The following STK31 variants were observed in gnomAD, a reference collection of about 807,000 sequenced individuals.
STK31 encodes the protein serine/threonine-protein kinase 31.
Under a neutral mutation model 129.7 loss-of-function variants are expected in STK31, and 89 were observed. The observed-to-expected ratio is 0.69, with a 90% CI of 0.58 to 0.82. The LOEUF (loss-of-function observed/expected upper bound fraction) is 0.82. Ranked by LOEUF, STK31 falls within the 40% of genes least tolerant of loss-of-function variation. The pLI, the probability that STK31 is intolerant of heterozygous loss-of-function variation, is 0.00. For synonymous variants in STK31, 448 were observed against 395.3 expected (o/e 1.13, Z -1.58); for missense variants, 1,187 against 1,176.4 (o/e 1.01, Z -0.13).
intron 22 of STK31, among the ~76,000 whole-genome samples, chr7:23,801,164 A>G (rs1792343838): frequency 6.6e-6 from 1 of 152,008 alleles, no homozygotes; most frequent in Non-Finnish European, 1.5e-5. Flanking sequence ...ACTGTTTTTG[A>G]TTTTCACCTG....
chr7:23,762,892 C>A lies in STK31; in HGVS notation c.1385C>A (p.Ser462Ter). Residue 462 changes from serine (S) to a stop codon, truncating the protein, a stop_gained, in exon 11 of 24, where the codon TCA becomes TAA. Coordinates refer to ENST00000355870, the MANE Select transcript of STK31 (RefSeq NM_031414.5). LOFTEE classifies it high-confidence loss of function. The stretch of plus-strand genomic sequence containing the variant: ...GATTTTATTCTGGAAGTTGATGAGT[C>A]ATCTCTTAATAAACGCTTAAAAACA... Reference protein sequence around the residue: ...VEDFILEVDESSLNKRLKTLQ... With the variant: ...VEDFILEVDE 1.2e-6 allele frequency: 2 copies of A among 1,603,776 alleles called. No homozygotes were observed. Among genetic ancestry groups the A allele is most frequent in the South Asian group, 1.1e-5 (1 of 88,226 alleles).
intron 23 of STK31, among the ~76,000 whole-genome samples, chr7:23,819,584 T>C (rs1326553067): frequency 1.3e-5 from 2 of 152,194 alleles, no homozygotes; most frequent in Non-Finnish European, 2.9e-5. Context: ...CCAGCTAATT[T>C]TTGTATTTTT....
intron 6 of STK31, among the ~76,000 whole-genome samples, chr7:23,735,155 A>G (rs1584352416): frequency 6.6e-6 from 1 of 152,162 alleles, no homozygotes; most frequent in East Asian, 1.9e-4. Flanking sequence ...GTTTTGTAAA[A>G]TCGAGTACCT....
chr7:23,718,388 A>G (rs1008898866), intron 4 of STK31, among the ~76,000 whole-genome samples: 1 of 152,102 alleles, frequency 6.6e-6, no homozygotes, highest in Non-Finnish European at 1.5e-5. Flanking sequence ...TTAAGATCCT[A>G]AGTATATAGC....
intron 22 of STK31, among the ~76,000 whole-genome samples, chr7:23,802,843 T>C (rs1273483320): frequency 2.0e-5 from 3 of 152,216 alleles, no homozygotes; most frequent in Non-Finnish European, 4.4e-5. Context: ...ACAAACAGCT[T>C]GTCTGTGTGC....
At chr7:23,800,383 A>G (rs1289339667) in intron 22 of STK31, among the ~76,000 whole-genome samples, 1 of 152,182 alleles carries the variant, frequency 6.6e-6, no homozygotes, top group Non-Finnish European at 1.5e-5. Context: ...CATATACACC[A>G]TGCAATACTG....
intron 14 of STK31, 62 bp from the exon 15 acceptor site, chr7:23,772,085 G>A: frequency 5.8e-6 from 7 of 1,213,508 alleles, no homozygotes; most frequent in Non-Finnish European, 6.8e-6. Flanking sequence ...AATAATAAAT[G>A]ATCACTGTTC....
At chr7:23,772,060 G>A in intron 14 of STK31, 87 bp from the exon 15 acceptor site, 2 of 1,017,310 alleles carry the variant, frequency 2.0e-6, no homozygotes, top group East Asian at 2.9e-5. Context: ...AATACTAGTT[G>A]AATCTTAACA....
At chr7:23,765,128 C>CA in intron 11 of STK31, among the ~76,000 whole-genome samples, 1 of 152,032 alleles carries the variant, frequency 6.6e-6, no homozygotes. Context: ...GATCTCCGCT[C>CA]ACTGCAACCT....
chr7:23,774,397 A>G (rs1053046107), intron 15 of STK31, among the ~76,000 whole-genome samples: 2 of 152,212 alleles, frequency 1.3e-5, no homozygotes, highest in African/African-American at 4.8e-5. Context: ...CAGTCCCACC[A>G]ACAGTGTAAA....
chr7:23,823,373 T>C (rs1390773070), intron 23 of STK31, among the ~76,000 whole-genome samples: 6 of 152,020 alleles, frequency 3.9e-5, no homozygotes, highest in East Asian at 1.9e-4. Flanking sequence ...TTTCATGTGT[T>C]TTTTGGCTGC....
Position 23,785,550 on chromosome 7 carries a change from A to G in STK31, c.2221A>G (p.Ser741Gly). 2 of 1,614,040 alleles carry G rather than the reference A, an allele frequency of 1.2e-6. No homozygotes were observed. The highest frequency in any genetic ancestry group is 1.7e-6 in the Non-Finnish European group (2 of 1,179,918). The change falls in exon 18 of 24, where the codon AGC becomes GGC. Residue 741 changes from serine (S) to glycine (G), a missense_variant. Physicochemically the swap from Ser to Gly is moderately conservative, Grantham distance 56 (BLOSUM62 0). Transcript: ENST00000355870. Reference protein sequence around the residue: ...LDAEPMKELSSKRPLVRSEVN... With the variant: ...LDAEPMKELSGKRPLVRSEVN... ...TGCTGAGCCCATGAAGGAACTTAGC[A>G]GCAAGCGTCCTTTGGTACGTTCTGA...
chr7:23,748,106 C>G (rs1788470777), intron 8 of STK31, among the ~76,000 whole-genome samples: 1 of 152,178 alleles, frequency 6.6e-6, no homozygotes, highest in Admixed American at 6.5e-5. Flanking sequence ...AAATTTTTGT[C>G]AATGCACTGC....
chr7:23,783,141 T>C (rs946503616), intron 16 of STK31, among the ~76,000 whole-genome samples: 2 of 152,198 alleles, frequency 1.3e-5, no homozygotes, highest in African/African-American at 4.8e-5. Context: ...CTTTCAGAAA[T>C]TGGCAGCGAG....
At chr7:23,769,312 G>A (rs1790034262) in intron 12 of STK31, 138 bp downstream of exon 12, 1 of 759,086 alleles carries the variant, frequency 1.3e-6, no homozygotes, top group African/African-American at 1.8e-5. Flanking sequence ...TACCAGTCAA[G>A]GTTCTTTATT....
At chr7:23,714,088 G>A (rs891944846) in intron 3 of STK31, among the ~76,000 whole-genome samples, 8 of 151,998 alleles carry the variant, frequency 5.3e-5, no homozygotes, top group South Asian at 2.1e-4. Flanking sequence ...ATAATCTTAC[G>A]GGACTACTGT....
At chr7:23,775,909 A>T (rs1790508799) in intron 15 of STK31, among the ~76,000 whole-genome samples, 1 of 152,150 alleles carries the variant, frequency 6.6e-6, no homozygotes, top group African/African-American at 2.4e-5. Context: ...TCCTGGTGAC[A>T]GTTGTCAAAG....
At chr7:23,803,707 G>A (rs1384750975) in intron 22 of STK31, among the ~76,000 whole-genome samples, 1 of 152,170 alleles carries the variant, frequency 6.6e-6, no homozygotes, top group Non-Finnish European at 1.5e-5. Context: ...GTACCCAATA[G>A]TTATTTTTTC....
chr7:23,769,457 A>G (rs1190514209), intron 12 of STK31, among the ~76,000 whole-genome samples, 183 bp from the exon 13 acceptor site: 1 of 151,932 alleles, frequency 6.6e-6, no homozygotes, highest in Non-Finnish European at 1.5e-5. Context: ...ACAGTATGCT[A>G]TGTGTATGTA....
Sources: gnomAD v4.1 joint callset for allele counts (sites outside exome capture counted in the v4.1 genomes callset) on GRCh38, gnomAD v4.1.1 for gene constraint, MANE v1.5 for transcripts, NCBI Gene and HGNC (gene_info 2026-07-23, HGNC 2026-07-21) for gene names.